Variants in DMD observed in about 807,000 individuals in gnomAD.
The protein encoded by DMD is mutant dystrophin.
Under a neutral mutation model 330.1 loss-of-function variants are expected in DMD, and 63 were observed. That is an observed-to-expected ratio of 0.19 (90% CI 0.16 to 0.24). DMD has a LOEUF of 0.24. DMD is among the 10% of genes least tolerant of loss of function. The pLI is 1.00. For missense variants in DMD, 3,344 were observed against 2,684.1 expected, an observed-to-expected ratio of 1.25 and a Z score of -5.43; for synonymous variants, 1,223 against 959.8, an observed-to-expected ratio of 1.27 and a Z score of -5.07.
At chrX:31,927,362 TTCAC>T (rs1240861580) in intron 47 of DMD, among the ~76,000 whole-genome samples, 2 of 112,246 alleles carry the variant, frequency 1.8e-5, no homozygotes, top group African/African-American at 6.5e-5. Context: ...CCTTGACTCT[TTCAC>T]AACCCACAAA....
intron 4 of DMD, among the ~76,000 whole-genome samples, chrX:32,836,221 G>A (rs959799596): frequency 4.6e-5 from 5 of 108,724 alleles, no homozygotes; most frequent in African/African-American, 6.7e-5. Context: ...TAGTAGAGAC[G>A]GGGTTTTGCC....
intron 44 of DMD, among the ~76,000 whole-genome samples, chrX:32,157,604 C>A (rs1291992128): frequency 8.9e-6 from 1 of 112,341 alleles, no homozygotes; most frequent in African/African-American, 3.2e-5. Context: ...TCAGGCTTGG[C>A]AGATGCAAAT....
intron 47 of DMD, among the ~76,000 whole-genome samples, chrX:31,897,645 G>C (rs1353754615): frequency 1.2e-5 from 1 of 86,624 alleles, no homozygotes; most frequent in Non-Finnish European, 2.3e-5. Context: ...TCTCATTGTG[G>C]TTTTGATTTG....
intron 18 of DMD, among the ~76,000 whole-genome samples, chrX:32,515,285 T>C (rs2045747775): frequency 9.1e-6 from 1 of 110,457 alleles, no homozygotes; most frequent in Non-Finnish European, 1.9e-5. Context: ...TAGAAGAAAA[T>C]ATAGACTCGA....
rs367722206 is a variant in DMD, at chrX:32,308,723, C to A, written c.6117+1359G>T. On this transcript the variant is annotated intron_variant, in intron 42 of 78. Transcript: ENST00000357033. ...ACTGTGAGTGTAGCCAAGGGTCTAA[C>A]ATTCTGAGTATGCCAGGCTAAGAGG... Among the ~76,000 whole-genome samples, 11 of 111,123 alleles carry A rather than the reference C, an allele frequency of 9.9e-5. No individual in the cohort carries two copies. In the South Asian group the frequency reaches 3.4e-3, roughly 34 times the overall value.
intron 74 of DMD, among the ~76,000 whole-genome samples, chrX:31,161,774 T>C (rs1289376005): frequency 9.0e-6 from 1 of 111,293 alleles, no homozygotes; most frequent in African/African-American, 3.3e-5. Flanking sequence ...CAGTTATTTT[T>C]CTCAATCCTC....
chrX:31,717,004 C>A (rs938527274), intron 52 of DMD, among the ~76,000 whole-genome samples: 2 of 110,947 alleles, frequency 1.8e-5, no homozygotes, highest in Admixed American at 1.9e-4. Context: ...GTTCCGCTAT[C>A]TGTGTGATCT....
At chrX:31,573,709 T>C (rs2075943171) in intron 55 of DMD, among the ~76,000 whole-genome samples, 1 of 111,606 alleles carries the variant, frequency 9.0e-6, no homozygotes, top group Non-Finnish European at 1.9e-5. Context: ...ATGTAAACTA[T>C]AAAGGATCAT....
intron 17 of DMD, among the ~76,000 whole-genome samples, chrX:32,529,762 G>A (rs889248133): frequency 9.0e-6 from 1 of 110,840 alleles, no homozygotes; most frequent in African/African-American, 3.3e-5. Flanking sequence ...ATCTAAAGAT[G>A]TTATAATTCC....
At chrX:31,803,674 G>GTT (rs1391404527) in intron 50 of DMD, among the ~76,000 whole-genome samples, 1 of 67,111 alleles carries the variant, frequency 1.5e-5, no homozygotes, top group Non-Finnish European at 2.6e-5. Flanking sequence ...CTCTTTCTCT[G>GTT]TTTCTCTCTC....
At chrX:31,755,992 A>C (rs188479950) in intron 51 of DMD, among the ~76,000 whole-genome samples, 1 of 111,803 alleles carries the variant, frequency 8.9e-6, no homozygotes, top group African/African-American at 3.2e-5. Context: ...ATGTGCAAGA[A>C]ATGTTCTGCA....
At chrX:32,666,372 G>C (rs896132882) in intron 9 of DMD, among the ~76,000 whole-genome samples, 1 of 110,160 alleles carries the variant, frequency 9.1e-6, no homozygotes, top group Non-Finnish European at 1.9e-5. Flanking sequence ...TCCACTCCCA[G>C]ACAGGCGATG....
intron 47 of DMD, among the ~76,000 whole-genome samples, chrX:31,912,970 C>A (rs945814871): frequency 1.8e-5 from 2 of 112,570 alleles, no homozygotes; most frequent in African/African-American, 6.5e-5. Context: ...AGAACTCAAC[C>A]ACCAAGCTGT....
chrX:32,012,413 T>G (rs1342818155), intron 44 of DMD, among the ~76,000 whole-genome samples: 1 of 111,989 alleles, frequency 8.9e-6, no homozygotes, highest in Non-Finnish European at 1.9e-5. Flanking sequence ...CTTCCATTAT[T>G]GTGCCTCAGT....
At chrX:32,613,903 G>C (rs776483112) in intron 12 of DMD, among the ~76,000 whole-genome samples, 2 of 110,860 alleles carry the variant, frequency 1.8e-5, no homozygotes, top group African/African-American at 3.3e-5. Context: ...CACAGTTCTC[G>C]AGTTTGGGAA....
At chrX:32,174,671 A>G (rs1164520644) in intron 44 of DMD, among the ~76,000 whole-genome samples, 1 of 112,399 alleles carries the variant, frequency 8.9e-6, no homozygotes, top group African/African-American at 3.2e-5. Context: ...TTTGGAAGCT[A>G]TGGTAAATTA....
At chrX:32,059,158 A>G (rs1330460447) in intron 44 of DMD, among the ~76,000 whole-genome samples, 1 of 111,370 alleles carries the variant, frequency 9.0e-6, no homozygotes, top group Non-Finnish European at 1.9e-5. Flanking sequence ...AAAAAATTAT[A>G]AAGATCTGCT....
chrX:32,682,802 C>T (rs1015565185), intron 9 of DMD, among the ~76,000 whole-genome samples: 1 of 111,610 alleles, frequency 9.0e-6, no homozygotes, highest in Admixed American at 9.5e-5. Flanking sequence ...ACTAGTTGTG[C>T]TCGTGAGTTG....
At chrX:32,837,118 A>C (rs149667955) in intron 4 of DMD, among the ~76,000 whole-genome samples, 1 of 111,866 alleles carries the variant, frequency 8.9e-6, no homozygotes, top group African/African-American at 3.3e-5. Context: ...ACTGGGCCCT[A>C]GCCAACATCA....
Sources: allele counts gnomAD v4.1 joint callset (sites outside exome capture counted in the v4.1 genomes callset), GRCh38; gene constraint gnomAD v4.1.1; transcripts MANE v1.5; gene names NCBI Gene and HGNC (gene_info 2026-07-23, HGNC 2026-07-21).